MAGI2: variants seen among roughly 807,000 people sequenced by gnomAD.
MAGI2 encodes the protein membrane associated guanylate kinase, WW and PDZ domain containing 2, also known as membrane-associated guanylate kinase, WW and PDZ domain-containing protein 2.
A neutral mutation model predicts 133.3 loss-of-function variants in MAGI2; 35 were observed. The ratio of observed to expected loss-of-function variants is 0.26; its 90% CI spans 0.20 to 0.35. The LOEUF (loss-of-function observed/expected upper bound fraction) is 0.35, where lower values mean the gene tolerates loss of function less well. MAGI2 is among the 10% of genes least tolerant of loss of function. The pLI is 1.00. For missense variants in MAGI2, 1,636 were observed against 1,863.4 expected (o/e 0.88, Z 2.25); for synonymous variants, 729 against 710.6 (o/e 1.03, Z -0.41).
At chr7:78,843,650 A>G (rs567976363) in intron 2 of MAGI2, among the ~76,000 whole-genome samples, 16 of 151,956 alleles carry the variant, frequency 1.1e-4, no homozygotes, top group African/African-American at 3.6e-4. Context: ...GTAGTCTTCT[A>G]TTAGACTTAA....
rs182879748 is a variant in MAGI2 at position 78,724,094 on chromosome 7, T to C, written c.419-96855A>G. On this transcript the variant is annotated intron_variant, in intron 2 of 21. Coordinates refer to ENST00000354212, the MANE Select transcript of MAGI2 (RefSeq NM_012301.4). ...AGGGAAGAAGGCTTTAATTGGGTGC[T>C]GTAGCTGAGGAGATGAGAGATCACA... 3.7e-4 allele frequency among the ~76,000 whole-genome samples: 57 copies of C among 152,242 alleles called. 1 individual carries two copies. In the East Asian group the frequency reaches 0.01, roughly 27 times the overall value.
At chr7:78,928,604 A>G (rs1052663233) in intron 2 of MAGI2, among the ~76,000 whole-genome samples, 12 of 152,100 alleles carry the variant, frequency 7.9e-5, no homozygotes, top group African/African-American at 2.4e-4. Flanking sequence ...TAGCAAGCCA[A>G]TTAAATAGAA....
chr7:79,288,389 A>G (rs1286928604), intron 1 of MAGI2, among the ~76,000 whole-genome samples: 1 of 152,188 alleles, frequency 6.6e-6, no homozygotes, highest in African/African-American at 2.4e-5. Flanking sequence ...TATATTATGA[A>G]CATTTATAAT....
intron 5 of MAGI2, among the ~76,000 whole-genome samples, chr7:78,495,698 A>AT (rs1341954147): frequency 2.0e-5 from 3 of 152,030 alleles, no homozygotes; most frequent in Non-Finnish European, 4.4e-5. Flanking sequence ...TTTTCCTACA[A>AT]TTTCTCTTAA....
At chr7:78,897,894 A>C (rs888585651) in intron 2 of MAGI2, among the ~76,000 whole-genome samples, 10 of 152,232 alleles carry the variant, frequency 6.6e-5, no homozygotes, top group African/African-American at 2.4e-4. Context: ...GAGCAAAAGA[A>C]AGTACAGACA....
chr7:78,844,347 T>C (rs1007812441), intron 2 of MAGI2, among the ~76,000 whole-genome samples: 3 of 151,812 alleles, frequency 2.0e-5, no homozygotes, highest in Non-Finnish European at 2.9e-5. Context: ...CACTATTGCT[T>C]GTATGTGAAT....
intron 6 of MAGI2, among the ~76,000 whole-genome samples, chr7:78,457,740 T>C (rs1449581147): frequency 1.3e-5 from 2 of 152,188 alleles, no homozygotes; most frequent in Non-Finnish European, 2.9e-5. Flanking sequence ...TCAATTCTAT[T>C]TTTATAGACT....
At position 79,369,916 on chromosome 7, in the gene MAGI2, C is replaced by A. The variant is rs1217281443; in HGVS notation, c.301+83104G>T. 2.6e-5 allele frequency among the ~76,000 whole-genome samples: 4 copies of A among 152,086 alleles called. No individual in the cohort carries two copies. The East Asian group carries it at 7.7e-4, about 29-fold the overall frequency. The stretch of plus-strand genomic sequence containing the variant: ...ATTCCCCTCTCCCAATTCCAAGAGG[C>A]AAATTCTATAGTAAATTTAGTATGT... On this transcript the variant is annotated intron_variant, in intron 1 of 21. Transcript: ENST00000354212.
chr7:79,174,908 C>A (rs1439481501), intron 1 of MAGI2, among the ~76,000 whole-genome samples: 1 of 151,878 alleles, frequency 6.6e-6, no homozygotes, highest in African/African-American at 2.4e-5. Context: ...CTGTGGCAAT[C>A]TAAGTTGATG....
intron 6 of MAGI2, among the ~76,000 whole-genome samples, chr7:78,380,680 C>A (rs1262076741): frequency 6.6e-6 from 1 of 151,970 alleles, no homozygotes; most frequent in South Asian, 2.1e-4. Flanking sequence ...TGTTTGATTG[C>A]ACAACAGGGA....
intron 21 of MAGI2, among the ~76,000 whole-genome samples, chr7:78,023,246 T>C (rs1808588236): frequency 6.6e-6 from 1 of 152,222 alleles, no homozygotes; most frequent in African/African-American, 2.4e-5. Context: ...TCTCTAAGAC[T>C]GGAAAATCTA....
chr7:79,418,188 T>C (rs2129177149), intron 1 of MAGI2, among the ~76,000 whole-genome samples: 1 of 152,124 alleles, frequency 6.6e-6, no homozygotes, highest in East Asian at 1.9e-4. Context: ...TGAAACACAG[T>C]ATCTGAAAAT....
intron 2 of MAGI2, among the ~76,000 whole-genome samples, chr7:78,789,336 G>T (rs1322275308): frequency 6.6e-6 from 1 of 152,120 alleles, no homozygotes; most frequent in Non-Finnish European, 1.5e-5. Flanking sequence ...GTTAATAGCA[G>T]AATCCATTAA....
rs187252267 is a variant in MAGI2, at chr7:78,979,699, G to T, written c.418+27391C>A. 1.5e-3 allele frequency among the ~76,000 whole-genome samples: 232 copies of T among 151,286 alleles called. 1 individual carries two copies. Among genetic ancestry groups the T allele is most frequent in the African/African-American group, 5.4e-3 (220 of 40,930 alleles). ...TGTGCAGTGTCCTTTGGGCTCATCT[G>T]ACCAGTGTTGGGTCTTGTGTGTTTG... On this transcript the variant is annotated intron_variant, in intron 2 of 21. Transcript: ENST00000354212.
chr7:78,059,466 C>A (rs1380174599), intron 21 of MAGI2, among the ~76,000 whole-genome samples: 1 of 152,106 alleles, frequency 6.6e-6, no homozygotes, highest in Non-Finnish European at 1.5e-5. Flanking sequence ...TTGGTAGGAA[C>A]CCTATGCTCT....
intron 2 of MAGI2, among the ~76,000 whole-genome samples, chr7:78,974,062 A>T (rs1804022499): frequency 6.6e-6 from 1 of 151,836 alleles, no homozygotes; most frequent in South Asian, 2.1e-4. Context: ...GACCTGCTCC[A>T]TACTATTAGA....
chr7:78,669,025 G>A (rs1813995663), intron 2 of MAGI2, among the ~76,000 whole-genome samples: 2 of 151,982 alleles, frequency 1.3e-5, no homozygotes, highest in South Asian at 2.1e-4. Flanking sequence ...AAAAGCAAGG[G>A]CAAACACATT....
intron 1 of MAGI2, among the ~76,000 whole-genome samples, chr7:79,133,133 A>T (rs1821088500): frequency 6.6e-6 from 1 of 151,898 alleles, no homozygotes; most frequent in African/African-American, 2.4e-5. Flanking sequence ...CTTTTTCTGT[A>T]CAAAAGCTTT....
At chr7:78,223,147 C>A (rs2150845478) in intron 10 of MAGI2, among the ~76,000 whole-genome samples, 1 of 152,316 alleles carries the variant, frequency 6.6e-6, no homozygotes. Context: ...GCGGGTATCA[C>A]ACCTGGGCTT....
Sources: gnomAD v4.1 joint callset for allele counts (sites outside exome capture counted in the v4.1 genomes callset) on GRCh38, gnomAD v4.1.1 for gene constraint, MANE v1.5 for transcripts, NCBI Gene and HGNC (gene_info 2026-07-23, HGNC 2026-07-21) for gene names.